The following SLC35F1 variants were observed in gnomAD, a reference collection of about 807,000 sequenced individuals.
SLC35F1 encodes the protein chromosome 6 open reading frame 169.
A neutral mutation model predicts 48.7 loss-of-function variants in SLC35F1; 14 were observed. The ratio of observed to expected loss-of-function variants is 0.29; its 90% CI spans 0.19 to 0.45. SLC35F1 has a LOEUF of 0.45. SLC35F1 is among the 20% of genes least tolerant of loss of function. The probability of loss-of-function intolerance (pLI) is 1.00; values close to 1 mark genes in which losing one functional copy is unlikely to be tolerated. For missense variants in SLC35F1, 404 were observed against 500.0 expected, an observed-to-expected ratio of 0.81 and a Z score of 1.83; for synonymous variants, 190 against 202.2, an observed-to-expected ratio of 0.94 and a Z score of 0.51.
intron 3 of SLC35F1, among the ~76,000 whole-genome samples, chr6:118,243,786 T>C (rs1409348839): frequency 6.6e-6 from 1 of 152,206 alleles, no homozygotes; most frequent in African/African-American, 2.4e-5. Context: ...GAGCTAGGGT[T>C]TATGACTAAA....
intron 1 of SLC35F1, among the ~76,000 whole-genome samples, chr6:118,128,461 C>G (rs1773661578): frequency 6.6e-6 from 1 of 151,254 alleles, no homozygotes; most frequent in Non-Finnish European, 1.5e-5. Flanking sequence ...CACATATACA[C>G]CATGGAATAC....
chr6:118,224,105 A>AT (rs987029566), intron 2 of SLC35F1, among the ~76,000 whole-genome samples: 1 of 152,142 alleles, frequency 6.6e-6, no homozygotes, highest in Non-Finnish European at 1.5e-5. Context: ...GGACAAATAC[A>AT]TTTTCCCCTC....
At chr6:118,148,610 C>G (rs1774010069) in intron 1 of SLC35F1, among the ~76,000 whole-genome samples, 3 of 152,100 alleles carry the variant, frequency 2.0e-5, no homozygotes, top group Non-Finnish European at 4.4e-5. Flanking sequence ...GATAGGATGT[C>G]CTTTTAAATG....
intron 1 of SLC35F1, among the ~76,000 whole-genome samples, chr6:118,010,381 G>C (rs1303110953): frequency 6.6e-6 from 1 of 152,068 alleles, no homozygotes; most frequent in Non-Finnish European, 1.5e-5. Flanking sequence ...GCACTGCAAG[G>C]ATTAATTAAT....
At chr6:118,088,908 T>A (rs994558873) in intron 1 of SLC35F1, among the ~76,000 whole-genome samples, 3 of 152,174 alleles carry the variant, frequency 2.0e-5, no homozygotes, top group African/African-American at 7.2e-5. Context: ...GAAGGCACTT[T>A]TTTTGGTAAC....
chr6:118,044,208 T>C (rs1335925003), intron 1 of SLC35F1, among the ~76,000 whole-genome samples: 1 of 152,166 alleles, frequency 6.6e-6, no homozygotes, highest in East Asian at 1.9e-4. Context: ...CAGGTTCTCA[T>C]TGCACCCATC....
intron 1 of SLC35F1, among the ~76,000 whole-genome samples, chr6:118,140,311 A>T (rs994192815): frequency 6.6e-6 from 1 of 152,242 alleles, no homozygotes; most frequent in African/African-American, 2.4e-5. Context: ...TGGACGGCAC[A>T]TATAACAGTG....
chr6:118,011,123 G>C (rs1240923754), intron 1 of SLC35F1, among the ~76,000 whole-genome samples: 2 of 152,252 alleles, frequency 1.3e-5, no homozygotes, highest in Admixed American at 1.3e-4. Flanking sequence ...TTTTTCCACG[G>C]ATGGTGGGGG....
chr6:118,186,283 C>A (rs913286768), intron 2 of SLC35F1, among the ~76,000 whole-genome samples: 1 of 152,060 alleles, frequency 6.6e-6, no homozygotes, highest in Non-Finnish European at 1.5e-5. Flanking sequence ...CCATTGTACC[C>A]CCAAGCCCAG....
At chr6:118,270,200 A>T (rs1330451207) in intron 4 of SLC35F1, among the ~76,000 whole-genome samples, 5 of 152,130 alleles carry the variant, frequency 3.3e-5, no homozygotes. Flanking sequence ...AGTTTCTTTG[A>T]CTTCATTATA....
At chr6:118,058,451 T>C (rs976418399) in intron 1 of SLC35F1, among the ~76,000 whole-genome samples, 1 of 152,188 alleles carries the variant, frequency 6.6e-6, no homozygotes, top group African/African-American at 2.4e-5. Flanking sequence ...CTCATTTCTT[T>C]TTTTAATCCC....
rs138130351 is a variant in SLC35F1, at chr6:118,187,419, G to A, written c.349+32799G>A. On this transcript the variant is annotated intron_variant, in intron 2 of 7. Coordinates refer to ENST00000360388, the MANE Select transcript of SLC35F1 (RefSeq NM_001029858.4). ...ACTCATGAAAATAGTTCTCTGAGCA[G>A]ATAAGTGAAAGTGAAACAACAAAAA... Among the ~76,000 whole-genome samples the A allele has an allele frequency of 2.0e-4, 30 of 152,338 alleles. 1 individual carries two copies. In the East Asian group the frequency reaches 5.8e-3, roughly 29 times the overall value.
chr6:118,308,288 G>A (rs1432991451), intron 7 of SLC35F1, among the ~76,000 whole-genome samples: 1 of 152,082 alleles, frequency 6.6e-6, no homozygotes, highest in Non-Finnish European at 1.5e-5. Flanking sequence ...TCATGTGTGC[G>A]TTTTATTTCA....
intron 2 of SLC35F1, among the ~76,000 whole-genome samples, chr6:118,163,095 A>G (rs1466192190): frequency 6.6e-6 from 1 of 150,834 alleles, no homozygotes; most frequent in Non-Finnish European, 1.5e-5. Context: ...CTGAGTACCC[A>G]GGATTACAGG....
At chr6:118,157,108 T>A (rs1774155838) in intron 2 of SLC35F1, among the ~76,000 whole-genome samples, 1 of 152,178 alleles carries the variant, frequency 6.6e-6, no homozygotes, top group African/African-American at 2.4e-5. Context: ...ATCCAAAATT[T>A]TATAAATGAG....
At chr6:118,239,756 G>A (rs1164131824) in intron 3 of SLC35F1, among the ~76,000 whole-genome samples, 1 of 151,988 alleles carries the variant, frequency 6.6e-6, no homozygotes, top group Non-Finnish European at 1.5e-5. Context: ...TTTTAATTCT[G>A]TAGTAAGAAA....
intron 1 of SLC35F1, among the ~76,000 whole-genome samples, chr6:117,966,106 A>C (rs941134197): frequency 2.8e-5 from 4 of 140,522 alleles, no homozygotes; most frequent in Non-Finnish European, 4.7e-5. Context: ...GGTTGGGCCA[A>C]ATAAGGGAAT....
chr6:117,909,610 T>C (rs568362963), intron 1 of SLC35F1, among the ~76,000 whole-genome samples: 1 of 152,162 alleles, frequency 6.6e-6, no homozygotes, highest in African/African-American at 2.4e-5. Context: ...TCATTGTAAA[T>C]TATGTTTAAT....
chr6:118,249,826 C>T (rs898278301), intron 3 of SLC35F1, among the ~76,000 whole-genome samples: 1 of 152,074 alleles, frequency 6.6e-6, no homozygotes, highest in Admixed American at 6.6e-5. Flanking sequence ...GAAGACAGAC[C>T]ATGACTGGGC....
Sources: gnomAD v4.1 joint callset for allele counts (sites outside exome capture counted in the v4.1 genomes callset) on GRCh38, gnomAD v4.1.1 for gene constraint, MANE v1.5 for transcripts, NCBI Gene and HGNC (gene_info 2026-07-23, HGNC 2026-07-21) for gene names.